The following ABCC6 variants were observed in gnomAD, a reference collection of about 807,000 sequenced individuals.
The protein encoded by ABCC6 is ATP binding cassette subfamily C member 6, also known as ATP-binding cassette sub-family C member 6.
Under a neutral mutation model 169.5 loss-of-function variants are expected in ABCC6, and 126 were observed. The observed-to-expected ratio is 0.74, with a 90% CI of 0.64 to 0.86. The LOEUF is 0.86. ABCC6 is among the 40% of genes least tolerant of loss of function. ABCC6 has a pLI of 0.00. For synonymous variants in ABCC6, 752 were observed against 814.7 expected (o/e 0.92, Z 1.31); for missense variants, 1,733 against 1,927.2 (o/e 0.90, Z 1.89).
rs7498292 is a variant in ABCC6 at position 16,170,906 on chromosome 16, T to A, written c.2788-1053A>T. On this transcript the variant is annotated intron_variant, in intron 21 of 30. Transcript: ENST00000205557. ...TACACTCTTCTCTGGGCGACAAGAG[T>A]GAAACTCTGTCTCAAAAAAAAAAAA... 2.0e-3 allele frequency among the ~76,000 whole-genome samples: 256 copies of A among 127,926 alleles called. 3 individuals are homozygous for A. The highest frequency in any genetic ancestry group is 7.4e-3 in the African/African-American group (244 of 33,096). 83.9% of individuals were successfully genotyped at this position (127,926 alleles called of 152,430 possible).
At chr16:16,192,958 G>A (rs1202816489) in intron 10 of ABCC6, 36 bp from the exon 11 acceptor site, 19 of 1,575,372 alleles carry the variant, frequency 1.2e-5, no homozygotes, top group African/African-American at 8.1e-5. Context: ...AGGAGATCCC[G>A]AGGAGCCCAG....
At chr16:16,166,774 C>G (rs1026683031) in intron 22 of ABCC6, among the ~76,000 whole-genome samples, 1 of 152,080 alleles carries the variant, frequency 6.6e-6, no homozygotes, top group African/African-American at 2.4e-5. Flanking sequence ...ACCTGTAGTC[C>G]TAGCTACTCA....
chr16:16,154,420 T>C (rs2046474122), intron 29 of ABCC6, among the ~76,000 whole-genome samples: 2 of 152,214 alleles, frequency 1.3e-5, no homozygotes, highest in Non-Finnish European at 2.9e-5. Context: ...CAAGTAAATA[T>C]AGAAGACTAA....
Position 16,197,658 on chromosome 16 carries a change from C to T in ABCC6, c.1338+363G>A, listed in dbSNP as rs552626222. Among the ~76,000 whole-genome samples, 10 of 98,394 alleles carry T rather than the reference C, an allele frequency of 1.0e-4. No individual in the cohort carries two copies. In the Admixed American group the frequency reaches 1.2e-3, roughly 11 times the overall value. 64.6% of individuals were successfully genotyped at this position (98,394 alleles called of 152,430 possible). A position where few individuals can be genotyped will look rare whatever the true frequency, so the allele number is the denominator to read the frequency against. On this transcript the variant is annotated intron_variant, in intron 10 of 30. Transcript: ENST00000205557. The stretch of plus-strand genomic sequence containing the variant: ...AGGGGTGCAGGAAGAGGAGGGGGTG[C>T]GTGGGCAGAAGGTGGGAGAGATGCA...
intron 22 of ABCC6, among the ~76,000 whole-genome samples, chr16:16,168,994 C>T (rs1321826446): frequency 1.3e-5 from 2 of 152,100 alleles, no homozygotes; most frequent in Non-Finnish European, 2.9e-5. Flanking sequence ...GGTAGGAGAA[C>T]TGCTTGAACC....
chr16:16,166,067 T>G, intron 22 of ABCC6, 134 bp from the exon 23 acceptor site: 1 of 898,418 alleles, frequency 1.1e-6, no homozygotes, highest in Non-Finnish European at 1.7e-6. Context: ...TTATATTTTT[T>G]TGAGACAGGG....
At chr16:16,152,329 A>G (rs1456695180) in intron 29 of ABCC6, among the ~76,000 whole-genome samples, 1 of 151,768 alleles carries the variant, frequency 6.6e-6, no homozygotes, top group Non-Finnish European at 1.5e-5. Context: ...CCAGGTGGGA[A>G]CTGACCCCTG....
intron 16 of ABCC6, 48 bp downstream of exon 16, chr16:16,182,756 A>C: frequency 1.2e-6 from 2 of 1,611,864 alleles, no homozygotes; most frequent in Non-Finnish European, 1.7e-6. Flanking sequence ...AGGAAGTGGG[A>C]CTTTCAGGAT....
At chr16:16,206,423 A>G (rs1274350755) in intron 7 of ABCC6, among the ~76,000 whole-genome samples, 1 of 151,970 alleles carries the variant, frequency 6.6e-6, no homozygotes, top group East Asian at 1.9e-4. Context: ...TCAGGAGTTC[A>G]GGGCCAGTCT....
chr16:16,196,136 G>A (rs953144473), intron 10 of ABCC6, among the ~76,000 whole-genome samples: 7 of 151,342 alleles, frequency 4.6e-5, no homozygotes, highest in African/African-American at 1.7e-4. Context: ...CTTGAACCTG[G>A]GAGGTGGAGG....
intron 9 of ABCC6, among the ~76,000 whole-genome samples, chr16:16,200,286 G>A (rs12596876): frequency 0.36 from 54,813 of 151,280 alleles, 10,550 homozygotes; most frequent in Admixed American, 0.44. Context: ...AAAATTAGCC[G>A]GGCATGGTGG....
chr16:16,183,592 CG>C (rs2047551367), intron 15 of ABCC6, among the ~76,000 whole-genome samples: 1 of 152,214 alleles, frequency 6.6e-6, no homozygotes, highest in Non-Finnish European at 1.5e-5. Context: ...CTCAGCTGCT[CG>C]GCCCTGGCCT....
At position 16,150,260 on chromosome 16, in the gene ABCC6, CAG is replaced by C. The variant is rs749504104; in HGVS notation, c.4404-21_4404-20del. ...CAGAACCCTGTGGGGGAGAGGGAGA[CAG>C]AGAGGCTCTTTGGACACCAGCCCAG... On this transcript the variant is annotated intron_variant, in intron 30 of 30. Coordinates refer to ENST00000205557, the MANE Select transcript of ABCC6 (RefSeq NM_001171.6). 6.2e-6 allele frequency: 10 copies of C among 1,613,784 alleles called. No individual in the cohort carries two copies. Among genetic ancestry groups the C allele is most frequent in the Middle Eastern group, 1.7e-4 (1 of 6,052 alleles).
chr16:16,173,535 T>C, intron 20 of ABCC6, 131 bp from the exon 21 acceptor site: 1 of 1,131,024 alleles, frequency 8.8e-7, no homozygotes. Context: ...CATTCATTTA[T>C]CTAACAGAAT....
chr16:16,177,612 C>T lies in ABCC6; in HGVS notation c.2430G>A (p.Val810=), dbSNP rs1295519869. ...GGGGCAGGATGTGGAGTGCGTGCGT[C>T]ACGAGAATCCGTGTCTGGGCAGGGA... ...GLLQGTTRIL[V]THALHILPQA... Residue 810 remains valine, a synonymous_variant, in exon 19 of 31, where the codon GTG becomes GTA. Coordinates refer to ENST00000205557, the MANE Select transcript of ABCC6 (RefSeq NM_001171.6). The T allele has an allele frequency of 3.7e-6, 6 of 1,614,056 alleles. No individual in the cohort carries two copies. The highest frequency in any genetic ancestry group is 5.1e-6 in the Non-Finnish European group (6 of 1,180,050).
intron 21 of ABCC6, among the ~76,000 whole-genome samples, chr16:16,172,791 C>T (rs1026040892): frequency 7.2e-5 from 11 of 152,110 alleles, no homozygotes; most frequent in Admixed American, 2.0e-4. Flanking sequence ...ACCTGTAACC[C>T]CAGCACTTTG....
rs114699301 is a variant in ABCC6 at position 16,206,499 on chromosome 16, T to C, written c.794+2229A>G. Among the ~76,000 whole-genome samples the C allele has an allele frequency of 2.2e-3, 334 of 151,880 alleles. 6 individuals carry two copies. Among genetic ancestry groups the C allele is most frequent in the African/African-American group, 6.9e-3 (286 of 41,360 alleles). On this transcript the variant is annotated intron_variant, in intron 7 of 30. Coordinates refer to ENST00000205557, the MANE Select transcript of ABCC6 (RefSeq NM_001171.6). ...AAATACAAAAATTAGTGAAGCCGACTGGACCAGCAGGTGGCTGTTGTGTGG... is the reference window on the plus strand; with the variant it reads ...AAATACAAAAATTAGTGAAGCCGACCGGACCAGCAGGTGGCTGTTGTGTGG...
intron 18 of ABCC6, among the ~76,000 whole-genome samples, chr16:16,177,991 CAAAG>C (rs773592144): frequency 5.0e-4 from 71 of 140,922 alleles, no homozygotes; most frequent in African/African-American, 7.9e-4. Flanking sequence ...AGAAAAGAAA[CAAAG>C]GAAGGAAGGA....
intron 17 of ABCC6, among the ~76,000 whole-genome samples, chr16:16,180,234 A>G (rs926215733): frequency 2.0e-5 from 3 of 152,200 alleles, no homozygotes; most frequent in African/African-American, 7.2e-5. Context: ...AACAGGCCAC[A>G]GACTGGTGCT....
Sources: allele counts gnomAD v4.1 joint callset (sites outside exome capture counted in the v4.1 genomes callset), GRCh38; gene constraint gnomAD v4.1.1; transcripts MANE v1.5; gene names NCBI Gene and HGNC (gene_info 2026-07-23, HGNC 2026-07-21).